Variants in SORCS2 observed in about 807,000 individuals in gnomAD.
The protein encoded by SORCS2 is sortilin related VPS10 domain containing receptor 2, also known as VPS10 domain-containing receptor SorCS2.
In SORCS2, 100 loss-of-function variants were observed where a neutral mutation model predicts 141.6. That is an observed-to-expected ratio of 0.71 (90% CI 0.60 to 0.83). The LOEUF (loss-of-function observed/expected upper bound fraction) is 0.83. Ranked by LOEUF, SORCS2 falls within the 40% of genes least tolerant of loss-of-function variation. The pLI is 0.00. For missense variants in SORCS2, 1,646 were observed against 1,560.2 expected (o/e 1.05, Z -0.93); for synonymous variants, 789 against 676.9 (o/e 1.17, Z -2.57).
At chr4:7,395,613 T>C (rs1442331963) in intron 1 of SORCS2, among the ~76,000 whole-genome samples, 1 of 151,958 alleles carries the variant, frequency 6.6e-6, no homozygotes, top group Non-Finnish European at 1.5e-5. Flanking sequence ...TTTTTATAAA[T>C]AGTTGCATTT....
chr4:7,453,608 G>A (rs1433010021), intron 2 of SORCS2, among the ~76,000 whole-genome samples: 2 of 137,460 alleles, frequency 1.5e-5, no homozygotes, highest in Non-Finnish European at 3.1e-5. Context: ...GTCAGGAGCT[G>A]TGTGTTGGGG....
In SORCS2 at chr4:7,492,153, C is replaced by A. The variant is rs552712586; in HGVS notation, c.549-39377C>A. The stretch of plus-strand genomic sequence containing the variant: ...TGCTGCTCCCAGCAGGCCCGACAGC[C>A]TGGCCCTCTCTCCAGAGCAGGGCTG... On this transcript the variant is annotated intron_variant, in intron 2 of 26. Transcript: ENST00000507866. Among the ~76,000 whole-genome samples, 5 of 152,356 alleles carry A rather than the reference C, an allele frequency of 3.3e-5. No homozygotes were observed. In the East Asian group the frequency reaches 9.6e-4, roughly 29 times the overall value.
At chr4:7,407,361 C>T (rs1363100958) in intron 2 of SORCS2, among the ~76,000 whole-genome samples, 3 of 152,044 alleles carry the variant, frequency 2.0e-5, no homozygotes, top group South Asian at 2.1e-4. Context: ...TTGGGAGATT[C>T]GTGTTGAGGG....
intron 1 of SORCS2, among the ~76,000 whole-genome samples, chr4:7,335,418 G>A (rs2108975975): frequency 6.6e-6 from 1 of 152,346 alleles, no homozygotes; most frequent in East Asian, 1.9e-4. Flanking sequence ...CCAAACATGG[G>A]AGAGGAATTC....
In SORCS2 at chr4:7,723,721, C is replaced by G. The variant is rs756857565; in HGVS notation, c.2449C>G (p.Gln817Glu). 6.2e-7 allele frequency: 1 copy of G among 1,613,990 alleles called. No individual in the cohort carries two copies. The highest frequency in any genetic ancestry group is 1.3e-5 in the African/African-American group (1 of 75,054). ...EQGDVLTTKY[Q>E]VDLGDGFKAM... ...GGGTGATGTCCTGACTACCAAGTAC[C>G]AGGTAGACCTTGGGGACGGCTTCAA... Residue 817 changes from glutamine to glutamate, a missense_variant, in exon 19 of 27, where the codon CAG becomes GAG. Gln to Glu is a conservative substitution (Grantham distance 29). Transcript: ENST00000507866.
chr4:7,653,872 C>T (rs1013513801), intron 4 of SORCS2, among the ~76,000 whole-genome samples: 1 of 152,240 alleles, frequency 6.6e-6, no homozygotes, highest in Non-Finnish European at 1.5e-5. Flanking sequence ...AGACACACCT[C>T]CTCTGTGAGA....
chr4:7,493,176 T>C (rs1371811663), intron 2 of SORCS2, among the ~76,000 whole-genome samples: 1 of 152,124 alleles, frequency 6.6e-6, no homozygotes, highest in African/African-American at 2.4e-5. Flanking sequence ...AGGATGAGAA[T>C]CTCAGGTGGG....
At chr4:7,367,158 A>G (rs778802456) in intron 1 of SORCS2, among the ~76,000 whole-genome samples, 6 of 152,166 alleles carry the variant, frequency 3.9e-5, no homozygotes, top group African/African-American at 7.2e-5. Context: ...GCATTAACAG[A>G]AGTATAGGGT....
chr4:7,458,867 G>C (rs4234811), intron 2 of SORCS2, among the ~76,000 whole-genome samples: 65,831 of 151,914 alleles, frequency 0.43, 15,185 homozygotes, highest in Middle Eastern at 0.54. Flanking sequence ...CCTAAGGAAT[G>C]AGCAGAAGTT....
chr4:7,637,328 T>C (rs1339586391), intron 3 of SORCS2, among the ~76,000 whole-genome samples: 1 of 152,168 alleles, frequency 6.6e-6, no homozygotes, highest in Non-Finnish European at 1.5e-5. Flanking sequence ...TGCCCTGAGT[T>C]CCCTGGGGAC....
intron 18 of SORCS2, among the ~76,000 whole-genome samples, chr4:7,719,733 A>G (rs559906358): frequency 3.3e-5 from 5 of 150,306 alleles, no homozygotes; most frequent in East Asian, 2.0e-4. Flanking sequence ...GACTTCCAGG[A>G]AAAAAATGGC....
At chr4:7,549,140 C>A (rs541598657) in intron 3 of SORCS2, among the ~76,000 whole-genome samples, 6 of 152,084 alleles carry the variant, frequency 3.9e-5, no homozygotes, top group Admixed American at 2.6e-4. Context: ...AGCTTGTGTC[C>A]CTGCATCCAC....
intron 3 of SORCS2, among the ~76,000 whole-genome samples, chr4:7,546,943 A>G (rs937934308): frequency 6.6e-6 from 1 of 152,178 alleles, no homozygotes. Flanking sequence ...CTTAAATTCC[A>G]AAGTGATTTC....
At chr4:7,300,056 A>G (rs1717333004) in intron 1 of SORCS2, among the ~76,000 whole-genome samples, 1 of 152,208 alleles carries the variant, frequency 6.6e-6, no homozygotes, top group Non-Finnish European at 1.5e-5. Flanking sequence ...TGGCAGAATC[A>G]GGACGAGAGA....
At chr4:7,371,946 C>T (rs780613249) in intron 1 of SORCS2, among the ~76,000 whole-genome samples, 50 of 152,214 alleles carry the variant, frequency 3.3e-4, no homozygotes, top group African/African-American at 9.9e-4. Context: ...GCAGGAAGCT[C>T]GTGGGGCCGG....
Position 7,192,874 on chromosome 4 carries a change from G to A in SORCS2, c.228G>A (p.Ala76=), listed in dbSNP as rs1271863310. ...CGCGGAGCCCTCCCGCGGGGCGCGCGGAGCCCGGTGGCGGCGAGGACCGGC... is the reference window on the plus strand; with the variant it reads ...CGCGGAGCCCTCCCGCGGGGCGCGCAGAGCCCGGTGGCGGCGAGGACCGGC... ...RVPRSPPAGR[A]EPGGGEDRQA... The change falls in exon 1 of 27, where the codon GCG becomes GCA. Residue 76 remains alanine (A), a synonymous_variant. Coordinates refer to ENST00000507866, the MANE Select transcript of SORCS2 (RefSeq NM_020777.3). This position sits in a 1 kb window ranked among gnomAD's most constrained non-coding sequence, Gnocchi z 4.0. 7.4e-6 allele frequency: 8 copies of A among 1,086,756 alleles called. No homozygotes were observed. The highest frequency in any genetic ancestry group is 8.9e-6 in the Non-Finnish European group (8 of 897,200). 67.3% of individuals were successfully genotyped at this position (1,086,756 alleles called of 1,614,324 possible). A position where few individuals can be genotyped will look rare whatever the true frequency, so the allele number is the denominator to read the frequency against.
At chr4:7,569,056 C>A (rs1715205729) in intron 3 of SORCS2, among the ~76,000 whole-genome samples, 1 of 152,226 alleles carries the variant, frequency 6.6e-6, no homozygotes, top group Non-Finnish European at 1.5e-5. Context: ...GTATCAGTAG[C>A]TGTGTGGCAA....
chr4:7,561,790 C>T (rs2109675953), intron 3 of SORCS2, among the ~76,000 whole-genome samples: 1 of 127,872 alleles, frequency 7.8e-6, no homozygotes, highest in African/African-American at 3.2e-5. Context: ...TGTCCATTTG[C>T]CCATCTGTCT....
chr4:7,357,847 G>C (rs1721346653), intron 1 of SORCS2, among the ~76,000 whole-genome samples: 1 of 152,178 alleles, frequency 6.6e-6, no homozygotes. Context: ...TGGCGTGGGT[G>C]GGGGCTTCTG....
Sources: gnomAD v4.1 joint callset for allele counts (sites outside exome capture counted in the v4.1 genomes callset) on GRCh38, gnomAD v4.1.1 for gene constraint, Gnocchi (gnomAD v3.1) non-coding constraint, MANE v1.5 for transcripts, NCBI Gene and HGNC (gene_info 2026-07-23, HGNC 2026-07-21) for gene names.